The following MEGF6 variants were observed in gnomAD, a reference collection of about 807,000 sequenced individuals.
MEGF6 encodes multiple epidermal growth factor-like domains protein 6.
In MEGF6, 184 loss-of-function variants were observed where a neutral mutation model predicts 207.1. The observed-to-expected ratio is 0.89, with a 90% CI of 0.79 to 1.00. The LOEUF (loss-of-function observed/expected upper bound fraction) is 1.00. Ranked by LOEUF, MEGF6 falls within the 50% of genes least tolerant of loss-of-function variation. MEGF6 has a pLI of 0.00. For synonymous variants in MEGF6, 1,038 were observed against 910.0 expected (o/e 1.14, Z -2.53); for missense variants, 2,282 against 2,202.9 (o/e 1.04, Z -0.72).
At chr1:3,527,109 C>T (rs188072128) in intron 4 of MEGF6, among the ~76,000 whole-genome samples, 14 of 152,350 alleles carry the variant, frequency 9.2e-5, no homozygotes, top group African/African-American at 3.4e-4. Context: ...TCGGCTGTGA[C>T]CACCAAGGCC....
At chr1:3,596,112 G>A (rs1053852837) in intron 2 of MEGF6, among the ~76,000 whole-genome samples, 3 of 152,120 alleles carry the variant, frequency 2.0e-5, no homozygotes, top group African/African-American at 7.2e-5. Context: ...GTGGGCCCAG[G>A]TCAGAGAGGA....
At chr1:3,618,666 A>T in the MEGF6 span, among the ~76,000 whole-genome samples, 2 of 152,146 alleles carry the variant, frequency 1.3e-5, no homozygotes, top group African/African-American at 4.8e-5. The surrounding 1 kb of genome is among the most constrained non-coding windows in gnomAD (Gnocchi z 4.7). Flanking sequence ...ATGACTTGCC[A>T]AAGAGTAAGG....
intron 3 of MEGF6, among the ~76,000 whole-genome samples, chr1:3,590,506 G>A (rs1484672437): frequency 2.0e-5 from 3 of 152,104 alleles, no homozygotes; most frequent in African/African-American, 4.8e-5. Context: ...CGCCCCGCCC[G>A]GCACTAAGTA....
chr1:3,510,969 C>A (rs1172330168), intron 9 of MEGF6, 67 bp from the exon 10 acceptor site: 2 of 1,550,062 alleles, frequency 1.3e-6, no homozygotes, highest in African/African-American at 1.4e-5. Context: ...CCCACCCACA[C>A]ACAACTGCAT....
At chr1:3,495,804 G>C in intron 30 of MEGF6, 86 bp downstream of exon 30, 1 of 1,500,212 alleles carries the variant, frequency 6.7e-7, no homozygotes, top group South Asian at 1.3e-5. Flanking sequence ...GTCTGGGCTG[G>C]GCCCACCCCT....
chr1:3,577,351 C>T (rs1033300833), intron 4 of MEGF6, among the ~76,000 whole-genome samples: 12 of 152,254 alleles, frequency 7.9e-5, no homozygotes, highest in African/African-American at 2.9e-4. Flanking sequence ...TCAACAGCTC[C>T]CCCGGGACCA....
At chr1:3,508,752 C>A in intron 12 of MEGF6, 63 bp from the exon 13 acceptor site, 2 of 1,585,592 alleles carry the variant, frequency 1.3e-6, no homozygotes, top group East Asian at 4.5e-5. Context: ...GGCACAGAGG[C>A]CCGGCTCAGA....
chr1:3,523,902 G>A, intron 5 of MEGF6, among the ~76,000 whole-genome samples: 1 of 152,234 alleles, frequency 6.6e-6, no homozygotes, highest in East Asian at 1.9e-4. Context: ...CAGGGTCCTG[G>A]GGACCTGGCA....
chr1:3,532,582 C>G (rs1394422230), intron 4 of MEGF6, among the ~76,000 whole-genome samples: 1 of 152,232 alleles, frequency 6.6e-6, no homozygotes, highest in Non-Finnish European at 1.5e-5. Context: ...GGAAGTGTCC[C>G]TGGAGCTCAG....
At chr1:3,550,790 G>T (rs930397053) in intron 4 of MEGF6, among the ~76,000 whole-genome samples, 8 of 152,280 alleles carry the variant, frequency 5.3e-5, no homozygotes, top group African/African-American at 1.9e-4. Flanking sequence ...AGGCTGCAGA[G>T]TGAGAACCCG....
At chr1:3,516,422 T>C (rs1452542643) in intron 5 of MEGF6, among the ~76,000 whole-genome samples, 1 of 152,218 alleles carries the variant, frequency 6.6e-6, no homozygotes, top group Non-Finnish European at 1.5e-5. Flanking sequence ...TGCTGTTGCC[T>C]GTGCCCGGGC....
chr1:3,501,481 C>A (rs898735309), intron 18 of MEGF6, among the ~76,000 whole-genome samples, 173 bp from the exon 19 acceptor site: 1 of 152,060 alleles, frequency 6.6e-6, no homozygotes, highest in South Asian at 2.1e-4. Flanking sequence ...CTGCAGGCTG[C>A]GGGGTGCGCA....
At chr1:3,530,390 CTCACT>C (rs1642110298) in intron 4 of MEGF6, among the ~76,000 whole-genome samples, 1 of 152,206 alleles carries the variant, frequency 6.6e-6, no homozygotes, top group Non-Finnish European at 1.5e-5. Flanking sequence ...CGGCTGACGA[CTCACT>C]GGGAGCCGCA....
At chr1:3,505,683 T>G (rs1641088536) in intron 15 of MEGF6, 127 bp from the exon 16 acceptor site, 1 of 1,239,114 alleles carries the variant, frequency 8.1e-7, no homozygotes. Flanking sequence ...CCTCCACCTC[T>G]CCCCCTGCAG....
chr1:3,531,155 A>G (rs1010278496), intron 4 of MEGF6: 1 of 1,526,628 alleles, frequency 6.6e-7, no homozygotes, highest in East Asian at 2.7e-5. Context: ...CTCCAGAGGT[A>G]GCGGTAGTGC....
intron 26 of MEGF6, 79 bp downstream of exon 26, chr1:3,498,292 T>C: frequency 6.7e-7 from 1 of 1,497,278 alleles, no homozygotes; most frequent in Non-Finnish European, 8.9e-7. Flanking sequence ...CCGGGCACAG[T>C]CCTCAGCCCT....
Position 3,538,328 on chromosome 1 carries a change from GC to G in MEGF6, c.482-14083del, listed in dbSNP as rs1216549087. On this transcript the variant is annotated intron_variant, in intron 4 of 36. Transcript: ENST00000356575. ...AGAGCTTCTATCAGGAGCAGGGGGG[GC>G]CCCCACCCGGCCTCAGAGCACACAG... Among the ~76,000 whole-genome samples, 6 of 151,210 alleles carry G rather than the reference GC, an allele frequency of 4.0e-5. No homozygotes were observed. In the South Asian group the frequency reaches 8.4e-4, roughly 21 times the overall value.
At position 3,502,051 on chromosome 1, in the gene MEGF6, G is replaced by GAGTGTGCCCCCCCC; in HGVS notation, c.2189-131_2189-130insGGGGGGGGCACACT. 19 of 25,858 alleles carry GAGTGTGCCCCCCCC rather than the reference G, an allele frequency of 7.3e-4. 2 individuals carry two copies. The highest frequency in any genetic ancestry group is 2.4e-3 in the Admixed American group (4 of 1,642). The allele number at this position is 25,858 out of a possible 1,614,324, so 1.6% of individuals were successfully genotyped here. On this transcript the variant is annotated intron_variant, in intron 17 of 36. Transcript: ENST00000356575. ...GGGCTCCTGGCGAGTGTGCCCCCCC[G>GAGTGTGCCCCCCCC]GCGCCTCCTCACATGGGCTCCTGGC...
At chr1:3,514,497 C>T in intron 7 of MEGF6, 53 bp downstream of exon 7, 13 of 1,539,386 alleles carry the variant, frequency 8.4e-6, no homozygotes, top group Non-Finnish European at 1.0e-5. Context: ...TCCACAGCAC[C>T]TGGGTGCGCT....
Sources: allele counts gnomAD v4.1 joint callset (sites outside exome capture counted in the v4.1 genomes callset), GRCh38; gene constraint gnomAD v4.1.1; non-coding constraint Gnocchi (gnomAD v3.1); transcripts MANE v1.5; gene names NCBI Gene and HGNC (gene_info 2026-07-23, HGNC 2026-07-21).